Variants in FANCC observed in about 807,000 individuals in gnomAD.
The protein encoded by FANCC is Fanconi anemia group C protein.
Under a neutral mutation model 71.3 loss-of-function variants are expected in FANCC, and 55 were observed. The ratio of observed to expected loss-of-function variants is 0.77; its 90% confidence interval spans 0.62 to 0.97. FANCC has a LOEUF of 0.97. Ranked by LOEUF, FANCC falls within the 50% of genes least tolerant of loss-of-function variation. FANCC has a pLI of 0.00. For synonymous variants in FANCC, 275 were observed against 244.9 expected (o/e 1.12, Z -1.15); for missense variants, 678 against 670.9 (o/e 1.01, Z -0.12).
At chr9:95,314,676 T>C (rs1329996246) in intron 1 of FANCC, among the ~76,000 whole-genome samples, 1 of 152,034 alleles carries the variant, frequency 6.6e-6, no homozygotes, top group Non-Finnish European at 1.5e-5. Context: ...AAAACTTGCT[T>C]TCACTTTATC....
chr9:95,209,717 T>C (rs566830939), intron 4 of FANCC, among the ~76,000 whole-genome samples: 9 of 152,258 alleles, frequency 5.9e-5, no homozygotes, highest in Non-Finnish European at 1.3e-4. Flanking sequence ...ACCATCAATA[T>C]CTATTGATTA....
chr9:95,157,069 G>T (rs1830494223), intron 6 of FANCC, among the ~76,000 whole-genome samples: 1 of 152,088 alleles, frequency 6.6e-6, no homozygotes, highest in Non-Finnish European at 1.5e-5. Context: ...AAATGTCGAA[G>T]CAGCCAAGAG....
chr9:95,214,563 C>G (rs1264275707), intron 4 of FANCC, among the ~76,000 whole-genome samples: 1 of 152,184 alleles, frequency 6.6e-6, no homozygotes, highest in Admixed American at 6.5e-5. Context: ...CATGTTCCCA[C>G]CAGCATTATC....
intron 1 of FANCC, among the ~76,000 whole-genome samples, chr9:95,285,026 G>GA (rs35393511): frequency 0.16 from 23,561 of 148,748 alleles, 2,008 homozygotes; most frequent in Middle Eastern, 0.25. Flanking sequence ...TCTAAATACT[G>GA]AAAAAAAAAG....
At chr9:95,305,736 G>A (rs1440014403) in intron 1 of FANCC, among the ~76,000 whole-genome samples, 2 of 152,082 alleles carry the variant, frequency 1.3e-5, no homozygotes, top group Non-Finnish European at 2.9e-5. Flanking sequence ...AATGTTTTCA[G>A]GCTGTGAAAA....
At chr9:95,144,131 GGGA>G (rs1829178959) in intron 7 of FANCC, among the ~76,000 whole-genome samples, 1 of 152,160 alleles carries the variant, frequency 6.6e-6, no homozygotes, top group South Asian at 2.1e-4. Context: ...AGCACATCTG[GGGA>G]GGGGGGGCTG....
rs553314475 is a variant in FANCC, at chr9:95,167,851, C to T, written c.521+3228G>A. Among the ~76,000 whole-genome samples, 12 of 152,176 alleles carry T rather than the reference C, an allele frequency of 7.9e-5. No individual in the cohort carries two copies. The East Asian group carries it at 2.3e-3, about 29-fold the overall frequency. ...CTGTTTCTGTAGATTTATTTTCATCCCTTGATTATGCCACGTTTCCCTGGT... is the reference window on the plus strand; with the variant it reads ...CTGTTTCTGTAGATTTATTTTCATCTCTTGATTATGCCACGTTTCCCTGGT... On this transcript the variant is annotated intron_variant, in intron 6 of 14. Transcript: ENST00000289081.
intron 3 of FANCC, among the ~76,000 whole-genome samples, chr9:95,241,922 A>C (rs1564787428): frequency 6.6e-6 from 1 of 152,184 alleles, no homozygotes; most frequent in Non-Finnish European, 1.5e-5. Context: ...GGCCTCCCAA[A>C]GTGCTGGGAT....
intron 6 of FANCC, among the ~76,000 whole-genome samples, chr9:95,169,485 C>A (rs147801288): frequency 1.4e-3 from 210 of 152,294 alleles, no homozygotes; most frequent in African/African-American, 4.8e-3. Flanking sequence ...TCAGTAGAGA[C>A]AGAAATCAGT....
intron 6 of FANCC, among the ~76,000 whole-genome samples, chr9:95,165,435 C>A (rs551750972): frequency 1.3e-5 from 2 of 151,932 alleles, no homozygotes; most frequent in African/African-American, 4.8e-5. Flanking sequence ...CCACTATAAA[C>A]TTCCTGCTTA....
At chr9:95,139,994 C>T (rs763653011) in intron 7 of FANCC, among the ~76,000 whole-genome samples, 34 of 151,786 alleles carry the variant, frequency 2.2e-4, no homozygotes, top group Non-Finnish European at 4.1e-4. Context: ...TTTTTCTTCT[C>T]TATAATGGTT....
At chr9:95,196,248 C>A (rs1381707737) in intron 4 of FANCC, among the ~76,000 whole-genome samples, 1 of 151,796 alleles carries the variant, frequency 6.6e-6, no homozygotes, top group Non-Finnish European at 1.5e-5. Flanking sequence ...GGGAGGTGCC[C>A]TTTATGAAGT....
intron 4 of FANCC, among the ~76,000 whole-genome samples, chr9:95,227,836 T>A (rs1366379244): frequency 6.6e-6 from 1 of 152,196 alleles, no homozygotes; most frequent in Admixed American, 6.5e-5. Flanking sequence ...AGAAGAACGT[T>A]TCTAGCTATC....
At chr9:95,276,419 G>A (rs1047441102) in intron 1 of FANCC, among the ~76,000 whole-genome samples, 4 of 152,158 alleles carry the variant, frequency 2.6e-5, no homozygotes, top group African/African-American at 9.7e-5. Flanking sequence ...CTGGTCACAG[G>A]GAGCTTGGTC....
intron 4 of FANCC, among the ~76,000 whole-genome samples, chr9:95,182,762 G>C (rs1164728376): frequency 2.0e-5 from 3 of 152,084 alleles, no homozygotes; most frequent in Non-Finnish European, 4.4e-5. Context: ...CAACTGCTGG[G>C]TTCTGGGGTA....
At chr9:95,300,239 AG>A in intron 1 of FANCC, among the ~76,000 whole-genome samples, 2 of 152,344 alleles carry the variant, frequency 1.3e-5, no homozygotes, top group Admixed American at 1.3e-4. Flanking sequence ...TTTAAGCAGA[AG>A]GGAAATCTGG....
chr9:95,104,211 G>A (rs1397084492), intron 14 of FANCC, among the ~76,000 whole-genome samples: 4 of 152,210 alleles, frequency 2.6e-5, no homozygotes, highest in Non-Finnish European at 5.9e-5. Flanking sequence ...CCACCGCAGC[G>A]AAGGCTTCTC....
chr9:95,222,696 C>T (rs994418626), intron 4 of FANCC, among the ~76,000 whole-genome samples: 1 of 152,120 alleles, frequency 6.6e-6, no homozygotes, highest in Non-Finnish European at 1.5e-5. Flanking sequence ...TACATTGCCA[C>T]AATTCTATGT....
intron 1 of FANCC, among the ~76,000 whole-genome samples, chr9:95,302,633 T>G (rs780226806): frequency 6.6e-6 from 1 of 152,216 alleles, no homozygotes; most frequent in Admixed American, 6.5e-5. Flanking sequence ...CAGTGCTCAG[T>G]AGAGCAGTGG....
Sources: gnomAD v4.1 joint callset for allele counts (sites outside exome capture counted in the v4.1 genomes callset) on GRCh38, gnomAD v4.1.1 for gene constraint, MANE v1.5 for transcripts, NCBI Gene and HGNC (gene_info 2026-07-23, HGNC 2026-07-21) for gene names.